The following OXNAD1 variants were observed in gnomAD, a reference collection of about 807,000 sequenced individuals.
The protein encoded by OXNAD1 is oxidoreductase NAD binding domain containing 1.
In OXNAD1, 34 loss-of-function variants were observed where a neutral mutation model predicts 32.9. The observed-to-expected ratio is 1.03, with a 90% CI of 0.79 to 1.38. The LOEUF (loss-of-function observed/expected upper bound fraction) is 1.38, where lower values mean the gene tolerates loss of function less well. Among genes scored for constraint, OXNAD1 ranks in the 40% most tolerant of loss-of-function variants. The probability of loss-of-function intolerance (pLI) is 0.00; values close to 1 mark genes in which losing one functional copy is unlikely to be tolerated. For missense variants in OXNAD1, 407 were observed against 379.4 expected (o/e 1.07, Z -0.60); for synonymous variants, 134 against 135.2 (o/e 0.99, Z 0.06).
chr3:16,324,646 TTGTGTGTGTGTGTG>T (rs71632869), intron 9 of OXNAD1, among the ~76,000 whole-genome samples: 79 of 100,468 alleles, frequency 7.9e-4, no homozygotes, highest in South Asian at 4.4e-3. Flanking sequence ...TAGTATTCCA[TTGTGTGTGTGTGTG>T]TGTGTGTGTG....
Position 16,303,594 on chromosome 3 carries a change from T to C in OXNAD1, c.*32T>C, listed in dbSNP as rs201809684. On this transcript the variant is annotated 3_prime_UTR_variant, in exon 9 of 9. Coordinates refer to ENST00000285083, the MANE Select transcript of OXNAD1 (RefSeq NM_138381.5). The surrounding 1 kb of genome is among the most constrained non-coding windows in gnomAD (Gnocchi z 4.8). ...GACAAAGGCAGAAAAAATAAAGAGGTGAGATCTACTCAGGAGAGCTCCTGT... is the reference window on the plus strand; with the variant it reads ...GACAAAGGCAGAAAAAATAAAGAGGCGAGATCTACTCAGGAGAGCTCCTGT... 13 of 1,606,686 alleles carry C rather than the reference T, an allele frequency of 8.1e-6. No homozygotes were observed. The Admixed American group carries it at 1.3e-4, about 17-fold the overall frequency.
chr3:16,269,237 A>G lies in OXNAD1; in HGVS notation c.-47A>G. The stretch of plus-strand genomic sequence containing the variant: ...AAAATATTCTGTCAATCAGCTGACC[A>G]TATACTTAATGACTCCTAAAATCTC... On this transcript the variant is annotated 5_prime_UTR_variant, in exon 2 of 9. Coordinates refer to ENST00000285083, the MANE Select transcript of OXNAD1 (RefSeq NM_138381.5). 1 of 1,535,502 alleles carries G rather than the reference A, an allele frequency of 6.5e-7. No homozygotes were observed. Among genetic ancestry groups the G allele is most frequent in the Admixed American group, 2.0e-5 (1 of 50,966 alleles).
At chr3:16,328,962 GAAGGA>G (rs2070011733) in intron 9 of OXNAD1, among the ~76,000 whole-genome samples, 1 of 152,252 alleles carries the variant, frequency 6.6e-6, no homozygotes, top group African/African-American at 2.4e-5. Flanking sequence ...GGGGAGAAAA[GAAGGA>G]AAGTGCTAAG....
In OXNAD1 at chr3:16,317,739, C is replaced by T. The variant is rs1197968702; in HGVS notation, c.*30+14147C>T. On this transcript the variant is annotated intron_variant, in intron 9 of 9. Transcript: ENST00000435829. The surrounding 1 kb of genome is among the most constrained non-coding windows in gnomAD (Gnocchi z 4.3). The stretch of plus-strand genomic sequence containing the variant: ...CTGTGCTGTACCGCTCAGATCCCCC[C>T]ACAGGACTGGCGGGCCCGCTCCCCA... 6.6e-6 allele frequency among the ~76,000 whole-genome samples: 1 copy of T among 150,930 alleles called. No homozygotes were observed. Among genetic ancestry groups the T allele is most frequent in the African/African-American group, 2.5e-5 (1 of 40,350 alleles).
chr3:16,322,953 A>G lies in OXNAD1; in HGVS notation c.*31-14159A>G, dbSNP rs925134079. ...CTCTGCTTAGATCCCCACACTTTTA[A>G]TGTCCTAAGGAATCTTAACAGGGCA... On this transcript the variant is annotated intron_variant, in intron 9 of 9. Coordinates refer to the OXNAD1 transcript ENST00000435829. The surrounding 1 kb of genome is among the most constrained non-coding windows in gnomAD (Gnocchi z 6.2). Among the ~76,000 whole-genome samples, 7 of 152,142 alleles carry G rather than the reference A, an allele frequency of 4.6e-5. No individual in the cohort carries two copies. Among genetic ancestry groups the G allele is most frequent in the African/African-American group, 1.4e-4 (6 of 41,436 alleles).
chr3:16,275,440 C>T (rs1377332597), intron 4 of OXNAD1, among the ~76,000 whole-genome samples: 3 of 152,112 alleles, frequency 2.0e-5, no homozygotes, highest in Non-Finnish European at 2.9e-5. Context: ...TGGCGGTGTG[C>T]TTGTAGTCCT....
At chr3:16,296,303 A>G (rs2066788442) in intron 6 of OXNAD1, among the ~76,000 whole-genome samples, 1 of 152,194 alleles carries the variant, frequency 6.6e-6, no homozygotes, top group Admixed American at 6.5e-5. Context: ...GTTCATTTCA[A>G]TCCCATGAAA....
At chr3:16,347,416 T>C (rs1046637278) in intron 9 of OXNAD1, among the ~76,000 whole-genome samples, 3 of 152,252 alleles carry the variant, frequency 2.0e-5, no homozygotes, top group Non-Finnish European at 4.4e-5. Context: ...GTCAAGGTTA[T>C]AACAGGCCCA....
At chr3:16,282,622 A>G (rs1169578001) in intron 4 of OXNAD1, among the ~76,000 whole-genome samples, 1 of 152,010 alleles carries the variant, frequency 6.6e-6, no homozygotes, top group Admixed American at 6.6e-5. Flanking sequence ...TTACTTGAGC[A>G]GGGCCTAGAA....
At chr3:16,339,788 T>C (rs146498006), downstream of OXNAD1, 50 of 152,360 alleles carry the variant, frequency 3.3e-4, no homozygotes, top group African/African-American at 1.2e-3. Flanking sequence ...GTTTATCTTG[T>C]TCTTGATGAA....
chr3:16,271,153 A>G lies in OXNAD1; in HGVS notation c.119+82A>G, dbSNP rs2064905347. 3 of 1,496,436 alleles carry G rather than the reference A, an allele frequency of 2.0e-6. No individual in the cohort carries two copies. Among genetic ancestry groups the G allele is most frequent in the African/African-American group, 1.4e-5 (1 of 72,000 alleles). 92.7% of individuals were successfully genotyped at this position (1,496,436 alleles called of 1,614,324 possible). On this transcript the variant is annotated intron_variant, in intron 3 of 8. Coordinates refer to ENST00000285083, the MANE Select transcript of OXNAD1 (RefSeq NM_138381.5). This position sits in a 1 kb window ranked among gnomAD's most constrained non-coding sequence, Gnocchi z 4.6. ...GCTGATGGTTGTGGGAGGCATATCA[A>G]ACTCCCGGAAAGGTAACACCTTAGC...
chr3:16,345,371 C>T lies in OXNAD1; in HGVS notation c.*31-3805C>T, dbSNP rs2071583753. 6.6e-6 allele frequency: 1 copy of T among 151,708 alleles called. No individual in the cohort carries two copies. Among genetic ancestry groups the T allele is most frequent in the Non-Finnish European group, 1.5e-5 (1 of 68,002 alleles). The allele number at this position is 151,708 out of a possible 1,614,324, so 9.4% of individuals were successfully genotyped here. On this transcript the variant is annotated intron_variant, in intron 9 of 9. Transcript: ENST00000606098. The surrounding 1 kb of genome is among the most constrained non-coding windows in gnomAD (Gnocchi z 5.2). ...CATTGGGAAAACCTAAAGATATAGC[C>T]CCTGTTATCACATTGAGCCCTTAAC...
intron 4 of OXNAD1, among the ~76,000 whole-genome samples, chr3:16,273,482 C>G (rs2065104273): frequency 6.8e-6 from 1 of 146,890 alleles, no homozygotes; most frequent in African/African-American, 2.5e-5. Context: ...CAGCTTCTGT[C>G]TCCCAAGCTC....
intron 9 of OXNAD1, among the ~76,000 whole-genome samples, chr3:16,313,155 C>G (rs961211510): frequency 1.1e-4 from 16 of 150,542 alleles, no homozygotes; most frequent in Middle Eastern, 3.6e-3. Context: ...AAGCAATTCT[C>G]TCACTTTAGC....
downstream of OXNAD1, among the ~76,000 whole-genome samples, chr3:16,308,192 A>G (rs1010191267): frequency 2.6e-5 from 4 of 152,238 alleles, no homozygotes; most frequent in Non-Finnish European, 4.4e-5. This position sits in a 1 kb window ranked among gnomAD's most constrained non-coding sequence, Gnocchi z 4.4. Context: ...CATTGAGAAC[A>G]TTTCGACAAA....
downstream of OXNAD1, chr3:16,339,442 T>C (rs2071160906): frequency 6.6e-6 from 1 of 152,214 alleles, no homozygotes; most frequent in Non-Finnish European, 1.5e-5. Context: ...GACATCTGGC[T>C]GTTCATTAGT....
Position 16,297,380 on chromosome 3 carries a change from A to AT in OXNAD1, c.432+2384dup, listed in dbSNP as rs1559761097. On this transcript the variant is annotated intron_variant, in intron 6 of 8. Transcript: ENST00000285083. This position sits in a 1 kb window ranked among gnomAD's most constrained non-coding sequence, Gnocchi z 4.3. Reference sequence around the variant, plus strand: ...GATGTGGAGCAACTGGAACTCTCATATATTGCTTATATTGCTAGTGGGAAT... The same window carrying AT: ...GATGTGGAGCAACTGGAACTCTCATATTATTGCTTATATTGCTAGTGGGAAT... 6.6e-6 allele frequency among the ~76,000 whole-genome samples: 1 copy of AT among 152,214 alleles called. No homozygotes were observed. The highest frequency in any genetic ancestry group is 2.4e-5 in the African/African-American group (1 of 41,452).
chr3:16,342,149 C>G (rs1450802486), downstream of OXNAD1, among the ~76,000 whole-genome samples: 2 of 152,180 alleles, frequency 1.3e-5, no homozygotes. This position sits in a 1 kb window ranked among gnomAD's most constrained non-coding sequence, Gnocchi z 4.0. Context: ...GTTTAGACCA[C>G]TTTCATCACC....
intron 1 of OXNAD1, among the ~76,000 whole-genome samples, chr3:16,268,884 C>T (rs1393129591): frequency 1.3e-5 from 2 of 151,894 alleles, no homozygotes; most frequent in African/African-American, 4.8e-5. Context: ...GGTGGATATC[C>T]TAAGTAGCAG....
Sources: gnomAD v4.1 joint callset for allele counts (sites outside exome capture counted in the v4.1 genomes callset) on GRCh38, gnomAD v4.1.1 for gene constraint, Gnocchi (gnomAD v3.1) non-coding constraint, MANE v1.5 for transcripts, NCBI Gene and HGNC (gene_info 2026-07-23, HGNC 2026-07-21) for gene names.